The following GPC5 variants were observed in gnomAD, a reference collection of about 807,000 sequenced individuals.
GPC5 encodes glypican-5.
In GPC5, 47 loss-of-function variants were observed where a neutral mutation model predicts 53.9. The observed-to-expected ratio is 0.87, with a 90% CI of 0.69 to 1.11. GPC5 has a LOEUF of 1.11. Ranked by LOEUF, GPC5 falls within the 50% of genes most tolerant of loss-of-function variation. The probability of loss-of-function intolerance (pLI) is 0.00; values close to 1 mark genes in which losing one functional copy is unlikely to be tolerated. For synonymous variants in GPC5, 286 were observed against 263.3 expected (o/e 1.09, Z -0.84); for missense variants, 748 against 713.1 (o/e 1.05, Z -0.56).
At position 92,381,998 on chromosome 13, in the gene GPC5, CTATCTATA is replaced by C. The variant is rs1261333824; in HGVS notation, c.1561+237017_1561+237024del. 1.4e-3 allele frequency among the ~76,000 whole-genome samples: 197 copies of C among 143,088 alleles called. 6 individuals are homozygous for C. The East Asian group carries it at 0.035, about 25-fold the overall frequency. The allele number at this position is 143,088 out of a possible 152,430, so 93.9% of individuals were successfully genotyped here. A position where few individuals can be genotyped will look rare whatever the true frequency, so the allele number is the denominator to read the frequency against. On this transcript the variant is annotated intron_variant, in intron 7 of 7. Transcript: ENST00000377067. ...TCTATCTATCTATCTATCTATCTAT[CTATCTATA>C]TATCTATCTGATAGAGTACTATGCA...
intron 7 of GPC5, among the ~76,000 whole-genome samples, chr13:92,855,644 A>AATAG (rs1435764370): frequency 6.6e-6 from 1 of 151,856 alleles, no homozygotes; most frequent in African/African-American, 2.4e-5. Context: ...TGAAGACCCA[A>AATAG]ACACAGTCAG....
intron 6 of GPC5, among the ~76,000 whole-genome samples, chr13:92,037,636 A>C (rs550429313): frequency 1.3e-5 from 2 of 152,314 alleles, no homozygotes; most frequent in South Asian, 4.1e-4. Context: ...ATAGTGCCTG[A>C]CTGGCACAGG....
chr13:91,728,980 A>G (rs771392649), intron 4 of GPC5, among the ~76,000 whole-genome samples: 1 of 152,188 alleles, frequency 6.6e-6, no homozygotes, highest in Non-Finnish European at 1.5e-5. Context: ...TGAGGATTGA[A>G]TTTTAAATTG....
chr13:92,141,361 T>A (rs1876980678), intron 6 of GPC5, among the ~76,000 whole-genome samples: 1 of 152,140 alleles, frequency 6.6e-6, no homozygotes, highest in African/African-American at 2.4e-5. Context: ...TATATCTGAA[T>A]CACGCAATTA....
At chr13:92,417,662 G>A (rs925737165) in intron 7 of GPC5, among the ~76,000 whole-genome samples, 2 of 152,010 alleles carry the variant, frequency 1.3e-5, no homozygotes, top group African/African-American at 4.8e-5. Context: ...CTCTTGAGCC[G>A]AGGATTTCGA....
chr13:92,803,154 A>AT (rs1489911812), intron 7 of GPC5, among the ~76,000 whole-genome samples: 4 of 152,056 alleles, frequency 2.6e-5, no homozygotes, highest in Non-Finnish European at 5.9e-5. Flanking sequence ...ATAAGTTATT[A>AT]TTTTTTAAGC....
intron 7 of GPC5, among the ~76,000 whole-genome samples, chr13:92,596,081 C>T (rs1324496520): frequency 6.6e-6 from 1 of 151,966 alleles, no homozygotes; most frequent in Non-Finnish European, 1.5e-5. Context: ...GTTTGAGTAC[C>T]GTGAATCACA....
At position 92,799,439 on chromosome 13, in the gene GPC5, T is replaced by A. The variant is rs1366255253; in HGVS notation, c.1562-66843T>A. 2.0e-5 allele frequency among the ~76,000 whole-genome samples: 3 copies of A among 151,814 alleles called. No homozygotes were observed. In the Admixed American group the frequency reaches 2.0e-4, roughly 10 times the overall value. ...AACACATAATCACTGATTGGATAAA[T>A]AGGTCTCAATTTTTATAAAAAGATA... On this transcript the variant is annotated intron_variant, in intron 7 of 7. Transcript: ENST00000377067.
At chr13:91,610,687 A>G (rs1291024275) in intron 2 of GPC5, among the ~76,000 whole-genome samples, 1 of 152,192 alleles carries the variant, frequency 6.6e-6, no homozygotes, top group East Asian at 1.9e-4. Flanking sequence ...TGAATTTTTA[A>G]AAACTGTTAT....
chr13:92,516,615 GT>G (rs1880793777), intron 7 of GPC5, among the ~76,000 whole-genome samples: 1 of 152,144 alleles, frequency 6.6e-6, no homozygotes. Flanking sequence ...CCCTTTTTCA[GT>G]TGCTGTAAAG....
chr13:92,834,042 T>C (rs950948198), intron 7 of GPC5, among the ~76,000 whole-genome samples: 1 of 152,132 alleles, frequency 6.6e-6, no homozygotes, highest in Admixed American at 6.5e-5. Context: ...AAAGCACCAA[T>C]AATGGTCTGG....
chr13:92,367,496 C>T (rs1372970890), intron 7 of GPC5, among the ~76,000 whole-genome samples: 1 of 152,068 alleles, frequency 6.6e-6, no homozygotes, highest in Non-Finnish European at 1.5e-5. Flanking sequence ...AAACTTTTGC[C>T]ATTTTTTACC....
chr13:92,595,891 C>T (rs189414234), intron 7 of GPC5, among the ~76,000 whole-genome samples: 325 of 152,030 alleles, frequency 2.1e-3, no homozygotes, highest in African/African-American at 7.5e-3. Flanking sequence ...TAGAATCCTG[C>T]CCCTGAGCTC....
At chr13:92,273,927 C>T (rs1403734956) in intron 7 of GPC5, among the ~76,000 whole-genome samples, 1 of 152,128 alleles carries the variant, frequency 6.6e-6, no homozygotes, top group East Asian at 1.9e-4. Flanking sequence ...CTTCAGTAGA[C>T]TGCCAAACAT....
intron 7 of GPC5, among the ~76,000 whole-genome samples, chr13:92,322,768 G>T (rs2043224639): frequency 6.6e-6 from 1 of 152,092 alleles, no homozygotes; most frequent in Admixed American, 6.6e-5. Context: ...TGAAGAAAAT[G>T]ATTTGAAGAC....
intron 7 of GPC5, among the ~76,000 whole-genome samples, chr13:92,416,103 A>G (rs934752272): frequency 6.6e-6 from 1 of 152,214 alleles, no homozygotes; most frequent in Non-Finnish European, 1.5e-5. Context: ...TGGAAAAAGT[A>G]TATTTGAATA....
intron 7 of GPC5, among the ~76,000 whole-genome samples, chr13:92,185,233 T>A (rs897894431): frequency 6.6e-6 from 1 of 152,200 alleles, no homozygotes; most frequent in African/African-American, 2.4e-5. Flanking sequence ...CACAGTTTTT[T>A]ATTCTGTTTT....
chr13:91,756,502 C>CACACAGT, intron 5 of GPC5, 82 bp downstream of exon 5: 1 of 1,224,178 alleles, frequency 8.2e-7, no homozygotes. Flanking sequence ...TTAATTCAGT[C>CACACAGT]TTAACTTTGT....
chr13:92,085,360 A>G (rs764941770), intron 6 of GPC5, among the ~76,000 whole-genome samples: 47 of 152,222 alleles, frequency 3.1e-4, no homozygotes, highest in Non-Finnish European at 5.6e-4. Flanking sequence ...GATACTGTGA[A>G]TGATTTCTAA....
Sources: gnomAD v4.1 joint callset for allele counts (sites outside exome capture counted in the v4.1 genomes callset) on GRCh38, gnomAD v4.1.1 for gene constraint, MANE v1.5 for transcripts, NCBI Gene and HGNC (gene_info 2026-07-23, HGNC 2026-07-21) for gene names.